RAB27B: variants seen among roughly 807,000 people sequenced by gnomAD.
The protein encoded by RAB27B is ras-related protein Rab-27B.
In RAB27B, 15 loss-of-function variants were observed where a neutral mutation model predicts 24.6. That is an observed-to-expected ratio of 0.61 (90% CI 0.41 to 0.94). The LOEUF is 0.94. RAB27B is among the 40% of genes least tolerant of loss of function. RAB27B has a pLI of 0.00. For missense variants in RAB27B, 261 were observed against 266.8 expected, an observed-to-expected ratio of 0.98 and a Z score of 0.15; for synonymous variants, 105 against 92.5, an observed-to-expected ratio of 1.14 and a Z score of -0.78.
rs139769130 is a variant in RAB27B at position 54,832,297 on chromosome 18, T to C, written c.-20+3597T>C. Among the ~76,000 whole-genome samples, 125 of 150,994 alleles carry C rather than the reference T, an allele frequency of 8.3e-4. 1 individual carries two copies. Among genetic ancestry groups the C allele is most frequent in the African/African-American group, 2.9e-3 (120 of 41,038 alleles). Reference sequence around the variant, plus strand: ...CTAATAAATTGGATAAAGGTGGAGGTGAAGAAAAGAAAGAACCAAATGATC... The same window carrying C: ...CTAATAAATTGGATAAAGGTGGAGGCGAAGAAAAGAAAGAACCAAATGATC... On this transcript the variant is annotated intron_variant, in intron 1 of 5. Coordinates refer to ENST00000262094, the MANE Select transcript of RAB27B (RefSeq NM_004163.4).
At chr18:54,867,437 CTTTTCTTTTTTTT>C (rs1467193212) in intron 1 of RAB27B, among the ~76,000 whole-genome samples, 1 of 54,740 alleles carries the variant, frequency 1.8e-5, no homozygotes, top group Non-Finnish European at 4.4e-5. Context: ...CTTTTCTTTT[CTTTTCTTTTTTTT>C]TTTTTTTTTT....
chr18:54,736,914 C>T (rs1004420946), intron 2 of RAB27B, among the ~76,000 whole-genome samples: 1 of 151,998 alleles, frequency 6.6e-6, no homozygotes, highest in Non-Finnish European at 1.5e-5. Context: ...GTACACTCAC[C>T]CATGGGATGT....
At chr18:54,718,536 A>G (rs1353021777) in intron 2 of RAB27B, among the ~76,000 whole-genome samples, 4 of 152,198 alleles carry the variant, frequency 2.6e-5, no homozygotes, top group African/African-American at 9.7e-5. Context: ...TACTCCTATC[A>G]TAGATGTAGA....
At chr18:54,718,962 A>T (rs976886889) in intron 2 of RAB27B, among the ~76,000 whole-genome samples, 1 of 152,228 alleles carries the variant, frequency 6.6e-6, no homozygotes, top group African/African-American at 2.4e-5. Context: ...ATTTGTATAC[A>T]TTATGCCAAA....
chr18:54,872,340 C>T (rs1440669582), intron 1 of RAB27B, among the ~76,000 whole-genome samples: 1 of 151,938 alleles, frequency 6.6e-6, no homozygotes, highest in Non-Finnish European at 1.5e-5. Context: ...AAAATGAGCT[C>T]AGGGGCCAGG....
At chr18:54,772,940 C>T (rs891557806) in intron 2 of RAB27B, among the ~76,000 whole-genome samples, 3 of 152,144 alleles carry the variant, frequency 2.0e-5, no homozygotes, top group Non-Finnish European at 4.4e-5. Context: ...GAATTTAATT[C>T]GGTGCTCCTT....
At chr18:54,859,942 C>T (rs1411763541) in intron 1 of RAB27B, among the ~76,000 whole-genome samples, 4 of 152,092 alleles carry the variant, frequency 2.6e-5, no homozygotes, top group African/African-American at 9.7e-5. Context: ...AGAAGTAAAA[C>T]CAGATTTTAA....
At chr18:54,848,429 A>G (rs1281770908) in intron 1 of RAB27B, among the ~76,000 whole-genome samples, 1 of 152,208 alleles carries the variant, frequency 6.6e-6, no homozygotes, top group Admixed American at 6.5e-5. Flanking sequence ...ATAGATGTAC[A>G]TCTATTTCCC....
chr18:54,779,744 G>C (rs1908830344), intron 2 of RAB27B, among the ~76,000 whole-genome samples: 2 of 152,082 alleles, frequency 1.3e-5, no homozygotes, highest in South Asian at 4.1e-4. Flanking sequence ...AATTTTCTAG[G>C]GCTTCCGTAA....
In RAB27B at chr18:54,745,105, G is replaced by A. The variant is rs191298364; in HGVS notation, c.-20+26964G>A. On this transcript the variant is annotated intron_variant, in intron 2 of 4. Transcript: ENST00000586570. ...ATCCAGGCAGCCTTCCAGGAGCTGC[G>A]TCTGCTGGTGGTTACCGATCCCAGC... 3.6e-4 allele frequency: 60 copies of A among 166,952 alleles called. No individual in the cohort carries two copies. The East Asian group carries it at 5.3e-3, about 15-fold the overall frequency. 10.3% of individuals were successfully genotyped at this position (166,952 alleles called of 1,614,324 possible).
At chr18:54,873,740 CAG>C (rs1371440362) in intron 1 of RAB27B, among the ~76,000 whole-genome samples, 4 of 140,956 alleles carry the variant, frequency 2.8e-5, no homozygotes, top group Admixed American at 7.1e-5. Context: ...AGTGTGTTGA[CAG>C]AGACAGACAT....
intron 2 of RAB27B, among the ~76,000 whole-genome samples, chr18:54,806,507 T>C (rs1032040570): frequency 6.8e-6 from 1 of 147,382 alleles, no homozygotes; most frequent in African/African-American, 2.5e-5. Flanking sequence ...AAGAAATGGG[T>C]CCAAGAATGT....
intron 2 of RAB27B, among the ~76,000 whole-genome samples, chr18:54,740,839 T>A (rs1910048861): frequency 1.3e-5 from 2 of 152,088 alleles, no homozygotes; most frequent in Non-Finnish European, 2.9e-5. Context: ...AGATGATAGA[T>A]CGATAGATAG....
upstream of RAB27B, among the ~76,000 whole-genome samples, chr18:54,825,008 A>G (rs750650847): frequency 1.6e-4 from 24 of 152,178 alleles, no homozygotes; most frequent in Non-Finnish European, 2.5e-4. Context: ...TTACTTTAAA[A>G]TGGCACACAG....
intron 1 of RAB27B, among the ~76,000 whole-genome samples, chr18:54,866,686 C>A (rs1012794050): frequency 6.6e-6 from 1 of 152,192 alleles, no homozygotes; most frequent in African/African-American, 2.4e-5. Flanking sequence ...GTCCCTCAGA[C>A]AGGTAATGTT....
intron 1 of RAB27B, among the ~76,000 whole-genome samples, chr18:54,841,905 G>T (rs985987597): frequency 6.6e-6 from 1 of 152,128 alleles, no homozygotes; most frequent in Non-Finnish European, 1.5e-5. Context: ...TCAGTACATA[G>T]AATAAAATGG....
At chr18:54,884,818 C>T (rs188359515) in intron 4 of RAB27B, among the ~76,000 whole-genome samples, 4 of 152,148 alleles carry the variant, frequency 2.6e-5, no homozygotes, top group East Asian at 1.9e-4. Flanking sequence ...CAGGGAAAAT[C>T]GGCAGTATTT....
At chr18:54,861,454 A>G (rs896542268) in intron 1 of RAB27B, among the ~76,000 whole-genome samples, 1 of 152,206 alleles carries the variant, frequency 6.6e-6, no homozygotes, top group Non-Finnish European at 1.5e-5. Flanking sequence ...AGGGCAATGA[A>G]TCGTGCTGTG....
At chr18:54,876,697 T>TAAAAAG (rs1290785328) in intron 1 of RAB27B, among the ~76,000 whole-genome samples, 42 of 152,184 alleles carry the variant, frequency 2.8e-4, no homozygotes, top group Admixed American at 4.6e-4. Flanking sequence ...TTAAATGTTT[T>TAAAAAG]AAATTAAAAA....
Sources: allele counts gnomAD v4.1 joint callset (sites outside exome capture counted in the v4.1 genomes callset), GRCh38; gene constraint gnomAD v4.1.1; transcripts MANE v1.5; gene names NCBI Gene and HGNC (gene_info 2026-07-23, HGNC 2026-07-21).